RBFOX1: variants seen among roughly 807,000 people sequenced by gnomAD.
RBFOX1 encodes the protein RNA binding fox-1 homolog 1.
RBFOX1 carries 8 observed loss-of-function variants against 57.7 expected under a neutral mutation model. That is an observed-to-expected ratio of 0.14 (90% CI 0.08 to 0.25). RBFOX1 has a LOEUF of 0.25. Among genes scored for constraint, RBFOX1 ranks in the 10% least tolerant of loss-of-function variants. The pLI is 1.00. For synonymous variants in RBFOX1, 326 were observed against 222.4 expected, an observed-to-expected ratio of 1.47 and a Z score of -4.15; for missense variants, 611 against 548.5, an observed-to-expected ratio of 1.11 and a Z score of -1.14.
chr16:5,454,850 TTTCTTTTC>T (rs1468359238), intron 1 of RBFOX1, among the ~76,000 whole-genome samples: 3,584 of 121,036 alleles, frequency 0.03, 49 homozygotes, highest in African/African-American at 0.034. Context: ...CCTTTCTTTC[TTTCTTTTC>T]TTTCTTTCTT....
At chr16:7,502,933 G>C (rs4787037) in intron 4 of RBFOX1, among the ~76,000 whole-genome samples, 4,806 of 152,250 alleles carry the variant, frequency 0.032, 260 homozygotes, top group African/African-American at 0.11. Flanking sequence ...TGAGGCAGGA[G>C]AGTCGCTTGA....
At chr16:6,617,896 G>T (rs2098166853) in intron 2 of RBFOX1, among the ~76,000 whole-genome samples, 1 of 152,112 alleles carries the variant, frequency 6.6e-6, no homozygotes, top group Admixed American at 6.5e-5. Context: ...AGAAGTGTCT[G>T]GGGGCAGGGG....
At chr16:7,095,928 G>A (rs985286071) in intron 4 of RBFOX1, among the ~76,000 whole-genome samples, 11 of 149,896 alleles carry the variant, frequency 7.3e-5, no homozygotes, top group African/African-American at 2.0e-4. Context: ...CAGGAGAATG[G>A]CATGAACCCA....
chr16:6,688,176 A>G (rs2154129909), intron 3 of RBFOX1, among the ~76,000 whole-genome samples: 1 of 152,148 alleles, frequency 6.6e-6, no homozygotes, highest in Non-Finnish European at 1.5e-5. Flanking sequence ...ACTTTCAGTC[A>G]TGGTGGAAAA....
At chr16:7,502,757 C>T (rs899920513) in intron 4 of RBFOX1, among the ~76,000 whole-genome samples, 41 of 152,276 alleles carry the variant, frequency 2.7e-4, no homozygotes, top group African/African-American at 9.1e-4. Flanking sequence ...GGAGTACTGG[C>T]TCATGCCTGT....
intron 2 of RBFOX1, among the ~76,000 whole-genome samples, chr16:6,636,027 T>G (rs969449225): frequency 2.6e-5 from 4 of 152,310 alleles, no homozygotes; most frequent in East Asian, 3.9e-4. Context: ...CTTGTGTACA[T>G]GTTTAATAAT....
intron 4 of RBFOX1, among the ~76,000 whole-genome samples, chr16:7,348,248 C>T (rs574343505): frequency 6.6e-6 from 1 of 152,160 alleles, no homozygotes; most frequent in Non-Finnish European, 1.5e-5. Flanking sequence ...TACTACAAAC[C>T]ACTCTTTATG....
chr16:7,023,365 C>A (rs1278364972), intron 3 of RBFOX1, among the ~76,000 whole-genome samples: 1 of 150,978 alleles, frequency 6.6e-6, no homozygotes, highest in Non-Finnish European at 1.5e-5. Flanking sequence ...GAGGCTGAGA[C>A]AGGAGAATTG....
At chr16:6,876,432 T>A (rs529180320) in intron 3 of RBFOX1, among the ~76,000 whole-genome samples, 1 of 59,450 alleles carries the variant, frequency 1.7e-5, no homozygotes, top group Non-Finnish European at 2.9e-5. Context: ...AAAGTCACTC[T>A]TAAAAATGAA....
chr16:5,967,002 G>GGGGGGT lies in RBFOX1; in HGVS notation c.351+99669_351+99670insGGGTGG, dbSNP rs796981395. 2.9e-4 allele frequency among the ~76,000 whole-genome samples: 30 copies of GGGGGGT among 103,842 alleles called. 2 individuals carry two copies. The highest frequency in any genetic ancestry group is 4.0e-4 in the Non-Finnish European group (19 of 47,268). 68.1% of individuals were successfully genotyped at this position (103,842 alleles called of 152,430 possible). ...TTCTTGCACTAAATCGGGGGGGGGG[G>GGGGGGT]GGTCAATAAATGATAGCTCAGGTGC... On this transcript the variant is annotated intron_variant, in intron 4 of 19. Coordinates refer to the RBFOX1 transcript ENST00000641259.
chr16:7,090,950 GTT>G (rs1189768927), intron 4 of RBFOX1, among the ~76,000 whole-genome samples: 5 of 152,144 alleles, frequency 3.3e-5, no homozygotes, highest in Non-Finnish European at 7.3e-5. Context: ...AGGATTAGAG[GTT>G]CTTTGGAATA....
At chr16:7,708,372 A>T (rs1197321149) in intron 14 of RBFOX1, among the ~76,000 whole-genome samples, 1 of 152,190 alleles carries the variant, frequency 6.6e-6, no homozygotes, top group African/African-American at 2.4e-5. Context: ...TAGAGAGAAA[A>T]ACACAAAGAT....
intron 4 of RBFOX1, among the ~76,000 whole-genome samples, chr16:7,159,527 C>G (rs891257657): frequency 6.6e-6 from 1 of 152,186 alleles, no homozygotes; most frequent in Non-Finnish European, 1.5e-5. Flanking sequence ...TGCGCTAGGA[C>G]TATAGCTTCC....
chr16:5,980,263 C>G (rs2060145596), intron 4 of RBFOX1, among the ~76,000 whole-genome samples: 1 of 152,224 alleles, frequency 6.6e-6, no homozygotes, highest in Non-Finnish European at 1.5e-5. Context: ...CAAATCGACT[C>G]CTTCCCTCCA....
At chr16:7,215,256 G>C (rs763684524) in intron 4 of RBFOX1, among the ~76,000 whole-genome samples, 1 of 152,186 alleles carries the variant, frequency 6.6e-6, no homozygotes, top group Non-Finnish European at 1.5e-5. Context: ...GGAAGAAAGT[G>C]TGGCAATTCC....
intron 2 of RBFOX1, among the ~76,000 whole-genome samples, chr16:6,432,920 C>T (rs902477990): frequency 6.6e-6 from 1 of 151,986 alleles, no homozygotes; most frequent in African/African-American, 2.4e-5. Context: ...GGATGTTGCA[C>T]TGAGCCGAGA....
At chr16:6,827,668 G>A (rs112558669) in intron 3 of RBFOX1, among the ~76,000 whole-genome samples, 1 of 152,076 alleles carries the variant, frequency 6.6e-6, no homozygotes, top group Non-Finnish European at 1.5e-5. Context: ...CCCTTTTGAG[G>A]TCTCTTCTGA....
At chr16:6,312,219 G>T (rs1599507484) in intron 1 of RBFOX1, among the ~76,000 whole-genome samples, 2 of 152,272 alleles carry the variant, frequency 1.3e-5, no homozygotes, top group East Asian at 1.9e-4. Flanking sequence ...ACAGAAGTGA[G>T]TTTCAGCACT....
At chr16:7,244,917 T>C (rs2094226579) in intron 4 of RBFOX1, among the ~76,000 whole-genome samples, 1 of 152,184 alleles carries the variant, frequency 6.6e-6, no homozygotes, top group Admixed American at 6.5e-5. Context: ...TAATTGGTAA[T>C]TGGTGTTTCA....
Sources: allele counts gnomAD v4.1 joint callset (sites outside exome capture counted in the v4.1 genomes callset), GRCh38; gene constraint gnomAD v4.1.1; transcripts MANE v1.5; gene names NCBI Gene and HGNC (gene_info 2026-07-23, HGNC 2026-07-21).